The following FAM193A variants were observed in gnomAD, a reference collection of about 807,000 sequenced individuals.
FAM193A encodes the protein protein FAM193A.
FAM193A carries 22 observed loss-of-function variants against 126.5 expected under a neutral mutation model. The ratio of observed to expected loss-of-function variants is 0.17; its 90% CI spans 0.12 to 0.25. FAM193A has a LOEUF of 0.25. Ranked by LOEUF, FAM193A falls within the 10% of genes least tolerant of loss-of-function variation. The pLI, the probability that FAM193A is intolerant of heterozygous loss-of-function variation, is 1.00. For synonymous variants in FAM193A, 761 were observed against 646.8 expected, an observed-to-expected ratio of 1.18 and a Z score of -2.68; for missense variants, 1,675 against 1,672.8, an observed-to-expected ratio of 1.00 and a Z score of -0.02.
chr4:2,582,210 G>A (rs1262567702), intron 1 of FAM193A, among the ~76,000 whole-genome samples: 1 of 152,074 alleles, frequency 6.6e-6, no homozygotes, highest in Non-Finnish European at 1.5e-5. Flanking sequence ...CTGAAGTGCA[G>A]TGACATGATC....
chr4:2,571,489 T>C (rs1739289215), intron 1 of FAM193A, among the ~76,000 whole-genome samples: 1 of 152,076 alleles, frequency 6.6e-6, no homozygotes, highest in South Asian at 2.1e-4. Flanking sequence ...TATTTAAAGA[T>C]GTCTTTGTGG....
intron 12 of FAM193A, among the ~76,000 whole-genome samples, chr4:2,664,659 C>T (rs1335617134): frequency 4.4e-5 from 6 of 134,924 alleles, no homozygotes; most frequent in African/African-American, 1.7e-4. Flanking sequence ...CTCTCCCTTT[C>T]GGGTTCAAGC....
chr4:2,550,160 A>C (rs1201449446), intron 1 of FAM193A, among the ~76,000 whole-genome samples: 1 of 148,576 alleles, frequency 6.7e-6, no homozygotes, highest in Non-Finnish European at 1.5e-5. Flanking sequence ...CCTCAGCCTC[A>C]CAGGTTGCTG....
chr4:2,630,087 A>G (rs1229244800), intron 4 of FAM193A, among the ~76,000 whole-genome samples: 2 of 151,180 alleles, frequency 1.3e-5, no homozygotes, highest in Non-Finnish European at 3.0e-5. Context: ...AGCCGAGATC[A>G]CACCATTGCA....
At chr4:2,556,792 G>T (rs191910898) in intron 1 of FAM193A, among the ~76,000 whole-genome samples, 29 of 152,260 alleles carry the variant, frequency 1.9e-4, no homozygotes, top group African/African-American at 6.5e-4. Context: ...TTTCCCTTAC[G>T]TAAGTTAATA....
intron 2 of FAM193A, among the ~76,000 whole-genome samples, chr4:2,603,539 C>T (rs1741345783): frequency 6.8e-6 from 1 of 147,974 alleles, no homozygotes; most frequent in South Asian, 2.1e-4. Flanking sequence ...TCACTGCAAG[C>T]TCCGCCTCCT....
chr4:2,571,472 C>G (rs2108859387), intron 1 of FAM193A, among the ~76,000 whole-genome samples: 1 of 151,802 alleles, frequency 6.6e-6, no homozygotes, highest in East Asian at 1.9e-4. Flanking sequence ...AGGTAGAAGT[C>G]CTATTTTATT....
chr4:2,647,278 T>C (rs1038333688), intron 7 of FAM193A, among the ~76,000 whole-genome samples: 7 of 152,014 alleles, frequency 4.6e-5, no homozygotes, highest in African/African-American at 1.7e-4. Context: ...CCCGAGTAGC[T>C]GGGATTACAG....
Position 2,594,820 on chromosome 4 carries a change from C to CTTTTTTTTTTT in FAM193A, c.256-1248_256-1238dup, listed in dbSNP as rs386399069. Among the ~76,000 whole-genome samples, 54 of 62,228 alleles carry CTTTTTTTTTTT rather than the reference C, an allele frequency of 8.7e-4. 5 individuals carry two copies. Among genetic ancestry groups the CTTTTTTTTTTT allele is most frequent in the African/African-American group, 4.0e-3 (51 of 12,708 alleles). The allele number at this position is 62,228 out of a possible 152,430, so 40.8% of individuals were successfully genotyped here. On this transcript the variant is annotated intron_variant, in intron 1 of 20. Transcript: ENST00000637812. ...GTTTCTTTCTTTTTCTTTTCTTTTC[C>CTTTTTTTTTTT]TTTTTTTTTTTTTTTTTTTTTTTTT...
rs375417215 is a variant in FAM193A at position 2,676,791 on chromosome 4, ATT to A, written c.2331+4420_2331+4421del. ...CCCCGTCTCTACTAAAAATAAAAAA[ATT>A]AGCCGGGTGTGGTGGCGGGCACCTG... is the stretch of plus-strand genomic sequence containing the variant. On this transcript the variant is annotated intron_variant, in intron 13 of 20. Coordinates refer to ENST00000637812, the MANE Select transcript of FAM193A (RefSeq NM_001366318.2). Among the ~76,000 whole-genome samples, 51 of 152,248 alleles carry A rather than the reference ATT, an allele frequency of 3.3e-4. 1 individual carries two copies. The East Asian group carries it at 9.5e-3, about 28-fold the overall frequency.
chr4:2,591,623 A>G (rs539517733), intron 1 of FAM193A, among the ~76,000 whole-genome samples: 1 of 152,122 alleles, frequency 6.6e-6, no homozygotes, highest in Non-Finnish European at 1.5e-5. Flanking sequence ...TTACCCTAAG[A>G]TGACCTTTTT....
At chr4:2,560,738 A>C (rs773247362) in intron 1 of FAM193A, among the ~76,000 whole-genome samples, 4 of 152,092 alleles carry the variant, frequency 2.6e-5, no homozygotes, top group South Asian at 2.1e-4. Flanking sequence ...TGTGTCTTGA[A>C]TCTTTCCACT....
intron 1 of FAM193A, among the ~76,000 whole-genome samples, chr4:2,570,260 A>T (rs1739212433): frequency 6.6e-6 from 1 of 152,046 alleles, no homozygotes; most frequent in African/African-American, 2.4e-5. Context: ...TGGTACCCTT[A>T]TGTCTCCCTG....
intron 2 of FAM193A, among the ~76,000 whole-genome samples, chr4:2,617,254 A>T (rs1742254467): frequency 5.0e-5 from 2 of 40,076 alleles, no homozygotes; most frequent in Non-Finnish European, 9.0e-5. Flanking sequence ...ATATATATAT[A>T]TATATATATT....
At chr4:2,576,080 A>G (rs1026551366) in intron 1 of FAM193A, among the ~76,000 whole-genome samples, 7 of 152,012 alleles carry the variant, frequency 4.6e-5, no homozygotes, top group African/African-American at 1.4e-4. Flanking sequence ...TAGCTGTGCC[A>G]CATACCCAGT....
intron 1 of FAM193A, among the ~76,000 whole-genome samples, chr4:2,553,825 C>T (rs2108826173): frequency 6.6e-6 from 1 of 152,108 alleles, no homozygotes; most frequent in African/African-American, 2.4e-5. Context: ...GTGCTGTTCT[C>T]CGTGATGGTA....
chr4:2,667,342 C>T (rs1713236723), intron 12 of FAM193A, among the ~76,000 whole-genome samples: 1 of 152,134 alleles, frequency 6.6e-6, no homozygotes, highest in Non-Finnish European at 1.5e-5. Flanking sequence ...TTTGGAGGGG[C>T]ACAGATACTC....
In FAM193A at chr4:2,631,252, T is replaced by G. The variant is rs1743550431; in HGVS notation, c.1038+83T>G. 3.7e-6 allele frequency: 5 copies of G among 1,341,664 alleles called. No homozygotes were observed. The Admixed American group carries it at 8.1e-5, about 22-fold the overall frequency. The allele number at this position is 1,341,664 out of a possible 1,614,324, so 83.1% of individuals were successfully genotyped here. ...CAAGAGGAAGCTTCTCACGCATGTG[T>G]GCCGACCTCGCTGTCACACCCCCAC... On this transcript the variant is annotated intron_variant, in intron 5 of 20. Coordinates refer to ENST00000637812, the MANE Select transcript of FAM193A (RefSeq NM_001366318.2).
chr4:2,655,817 G>C (rs1477546863), intron 7 of FAM193A, among the ~76,000 whole-genome samples: 1 of 152,126 alleles, frequency 6.6e-6, no homozygotes, highest in African/African-American at 2.4e-5. Context: ...TGTGGTCCTA[G>C]CTACTTGGGA....
Sources: allele counts gnomAD v4.1 joint callset (sites outside exome capture counted in the v4.1 genomes callset), GRCh38; gene constraint gnomAD v4.1.1; transcripts MANE v1.5; gene names NCBI Gene and HGNC (gene_info 2026-07-23, HGNC 2026-07-21).